The following SIRPG variants were observed in gnomAD, a reference collection of about 807,000 sequenced individuals.
The protein encoded by SIRPG is signal-regulatory protein gamma.
In SIRPG, 38 loss-of-function variants were observed where a neutral mutation model predicts 35.7. The ratio of observed to expected loss-of-function variants is 1.06; its 90% CI spans 0.82 to 1.40. The LOEUF (loss-of-function observed/expected upper bound fraction) is 1.40, where lower values mean the gene tolerates loss of function less well. Ranked by LOEUF, SIRPG falls within the 40% of genes most tolerant of loss-of-function variation. The pLI, the probability that SIRPG is intolerant of heterozygous loss-of-function variation, is 0.00. For synonymous variants in SIRPG, 215 were observed against 190.4 expected, an observed-to-expected ratio of 1.13 and a Z score of -1.06; for missense variants, 519 against 483.0, an observed-to-expected ratio of 1.07 and a Z score of -0.70.
chr20:1,670,168 C>T, the SIRPG span: 8 of 260,662 alleles, frequency 3.1e-5, no homozygotes, highest in Non-Finnish European at 6.7e-5. Context: ...GGTAGAAATT[C>T]TTCACCTGGC....
intron 1 of SIRPG, among the ~76,000 whole-genome samples, chr20:1,657,141 G>A (rs1269400706): frequency 6.6e-6 from 1 of 152,144 alleles, no homozygotes; most frequent in Non-Finnish European, 1.5e-5. Context: ...CAAGGAGAAA[G>A]ACCTCAGTAG....
At chr20:1,670,431 G>A in the SIRPG span, among the ~76,000 whole-genome samples, 6 of 152,196 alleles carry the variant, frequency 3.9e-5, no homozygotes, top group Non-Finnish European at 8.8e-5. Flanking sequence ...CCAGCACACA[G>A]TAGGTGCTCA....
chr20:1,673,787 T>C, the SIRPG span, among the ~76,000 whole-genome samples: 412 of 152,298 alleles, frequency 2.7e-3, 2 homozygotes, highest in African/African-American at 9.7e-3. Flanking sequence ...TTGGAAGGAA[T>C]AGGAAACAGA....
At chr20:1,642,499 C>T (rs1189349361) in intron 2 of SIRPG, among the ~76,000 whole-genome samples, 11 of 152,244 alleles carry the variant, frequency 7.2e-5, no homozygotes, top group East Asian at 3.9e-4. Flanking sequence ...TACAGCCCAC[C>T]GATGGGGCTT....
At chr20:1,636,574 A>T in intron 2 of SIRPG, 69 bp from the exon 3 acceptor site, 36 of 1,461,594 alleles carry the variant, frequency 2.5e-5, no homozygotes, top group Non-Finnish European at 3.3e-5. Context: ...AGTGTGTGAC[A>T]CTGTTAAGAA....
At chr20:1,682,669 G>A in the SIRPG span, among the ~76,000 whole-genome samples, 77,141 of 152,008 alleles carry the variant, frequency 0.51, 20,175 homozygotes, top group Non-Finnish European at 0.58. Context: ...CATGTATAGA[G>A]AAATAAAATT....
the SIRPG span, among the ~76,000 whole-genome samples, chr20:1,668,207 C>A: frequency 3.4e-5 from 1 of 29,010 alleles, no homozygotes; most frequent in African/African-American, 1.0e-4. Context: ...TCTTTTCTTT[C>A]TTTCTTTCTT....
In SIRPG at chr20:1,629,608, T is replaced by G. The variant is rs1479737572; in HGVS notation, c.*31A>C. ...AGGAAGGAGGCAGCAGAGATGAGGG[T>G]CCCACGTGGCAGGGGAGGAAGGAAG... On this transcript the variant is annotated 3_prime_UTR_variant, in exon 6 of 6. Transcript: ENST00000303415. 2 of 152,428 alleles carry G rather than the reference T, an allele frequency of 1.3e-5. No individual in the cohort carries two copies. The highest frequency in any genetic ancestry group is 3.9e-4 in the East Asian group (2 of 5,174). The allele number at this position is 152,428 out of a possible 1,614,324, so 9.4% of individuals were successfully genotyped here.
chr20:1,636,302 T>C lies in SIRPG; in HGVS notation c.634A>G (p.Arg212Gly). 1.2e-6 allele frequency: 2 copies of C among 1,614,218 alleles called. No homozygotes were observed. Among genetic ancestry groups the C allele is most frequent in the Non-Finnish European group, 1.7e-6 (2 of 1,180,026 alleles). Reference protein sequence around the residue: ...SVAYSIRSTARVVLDPWDVRS... With the variant: ...SVAYSIRSTAGVVLDPWDVRS... ...ACGTCCCAGGGGTCCAGTACCACCCTGGCTGTGCTGCGGATGCTGTAGGCC... is the reference window on the plus strand; with the variant it reads ...ACGTCCCAGGGGTCCAGTACCACCCCGGCTGTGCTGCGGATGCTGTAGGCC... The change falls in exon 3 of 6, where the codon AGG (arginine) becomes GGG (glycine). Residue 212 changes from arginine (R) to glycine (G), a missense_variant. Physicochemically the swap from Arg to Gly is moderately radical, Grantham distance 125. Coordinates refer to ENST00000303415, the MANE Select transcript of SIRPG (RefSeq NM_018556.4).
chr20:1,678,243 C>T, the SIRPG span, among the ~76,000 whole-genome samples: 2 of 139,174 alleles, frequency 1.4e-5, no homozygotes, highest in Non-Finnish European at 3.2e-5. Flanking sequence ...TCATGTGATA[C>T]ACTGTGGGCC....
upstream of SIRPG, among the ~76,000 whole-genome samples, chr20:1,661,419 C>T (rs1434985037): frequency 6.6e-6 from 1 of 152,220 alleles, no homozygotes; most frequent in Non-Finnish European, 1.5e-5. Flanking sequence ...GAAGAAAATG[C>T]TCCCAAATGT....
upstream of SIRPG, among the ~76,000 whole-genome samples, chr20:1,658,858 T>C (rs1161341742): frequency 6.6e-6 from 1 of 152,116 alleles, no homozygotes; most frequent in Non-Finnish European, 1.5e-5. Context: ...CCAGCTTATA[T>C]AGTGTATTTG....
chr20:1,652,035 A>G (rs1247379340), intron 1 of SIRPG, among the ~76,000 whole-genome samples: 1 of 152,222 alleles, frequency 6.6e-6, no homozygotes, highest in Non-Finnish European at 1.5e-5. Context: ...GCTTTCAAAC[A>G]AACAAAAATA....
At chr20:1,670,297 G>A in the SIRPG span, 274 of 205,952 alleles carry the variant, frequency 1.3e-3, no homozygotes, top group Non-Finnish European at 2.2e-3. Context: ...ATCACAGGGA[G>A]GGCTCCATAA....
chr20:1,630,212 T>C lies in SIRPG; in HGVS notation c.*2+10A>G, dbSNP rs779446156. On this transcript the variant is annotated intron_variant, in intron 5 of 5. Transcript: ENST00000303415. ...CAGCCCTTGGTCTGTCCTCCCTTCC[T>C]TGTACTTACAGTCAGGTCTTCTGCT... 3 of 1,551,746 alleles carry C rather than the reference T, an allele frequency of 1.9e-6. No homozygotes were observed. The Admixed American group carries it at 5.8e-5, about 30-fold the overall frequency.
chr20:1,674,023 C>T, the SIRPG span, among the ~76,000 whole-genome samples: 1 of 152,196 alleles, frequency 6.6e-6, no homozygotes, highest in Admixed American at 6.5e-5. Flanking sequence ...TGAGATGTCT[C>T]TGGCCCATGT....
chr20:1,681,946 GATATAACTA>G, the SIRPG span, among the ~76,000 whole-genome samples: 36,727 of 151,852 alleles, frequency 0.24, 5,091 homozygotes, highest in East Asian at 0.58. Context: ...TATGGATATG[GATATAACTA>G]ATATAACTAT....
chr20:1,641,989 G>T (rs760810100), intron 2 of SIRPG, among the ~76,000 whole-genome samples: 8 of 152,192 alleles, frequency 5.3e-5, no homozygotes, highest in Non-Finnish European at 1.2e-4. Flanking sequence ...TTTTGCATTT[G>T]CTGAGGAGTG....
the SIRPG span, chr20:1,676,781 G>A: frequency 2.3e-5 from 5 of 215,980 alleles, no homozygotes; most frequent in Non-Finnish European, 1.9e-5. Flanking sequence ...CACTGGACAG[G>A]CCCCACAGGG....
Sources: gnomAD v4.1 joint callset for allele counts (sites outside exome capture counted in the v4.1 genomes callset) on GRCh38, gnomAD v4.1.1 for gene constraint, MANE v1.5 for transcripts, NCBI Gene and HGNC (gene_info 2026-07-23, HGNC 2026-07-21) for gene names.